SMG1: variants seen among roughly 807,000 people sequenced by gnomAD.
SMG1 encodes the protein SMG1 nonsense mediated mRNA decay associated PI3K related kinase, also known as serine/threonine-protein kinase SMG1.
SMG1 carries 22 observed loss-of-function variants against 419.9 expected under a neutral mutation model. The ratio of observed to expected loss-of-function variants is 0.05; its 90% CI spans 0.04 to 0.07. SMG1 has a LOEUF of 0.07. Ranked by LOEUF, SMG1 falls within the 10% of genes least tolerant of loss-of-function variation. SMG1 has a pLI of 1.00. For synonymous variants in SMG1, 1,538 were observed against 1,553.5 expected, an observed-to-expected ratio of 0.99 and a Z score of 0.23; for missense variants, 3,185 against 4,342.0, an observed-to-expected ratio of 0.73 and a Z score of 7.49.
At chr16:18,828,788 C>T (rs770268103) in intron 54 of SMG1, among the ~76,000 whole-genome samples, 2 of 152,162 alleles carry the variant, frequency 1.3e-5, no homozygotes, top group East Asian at 1.9e-4. Context: ...CACCTAGGCT[C>T]GGGAGTTCGA....
chr16:18,876,860 T>C (rs1483281736), intron 12 of SMG1, among the ~76,000 whole-genome samples: 1 of 151,920 alleles, frequency 6.6e-6, no homozygotes, highest in East Asian at 1.9e-4. Context: ...TGTTTTACCC[T>C]TATGAAAATT....
chr16:18,897,615 T>C (rs1364124622), intron 1 of SMG1, among the ~76,000 whole-genome samples: 2 of 152,166 alleles, frequency 1.3e-5, no homozygotes, highest in Non-Finnish European at 2.9e-5. Flanking sequence ...TCATAATCTA[T>C]TTAAAATTCA....
intron 60 of SMG1, among the ~76,000 whole-genome samples, chr16:18,813,023 T>A (rs1029535512): frequency 1.5e-4 from 23 of 152,126 alleles, no homozygotes; most frequent in African/African-American, 5.3e-4. Context: ...GGCTGCATAG[T>A]ATTCCATGGT....
In SMG1 at chr16:18,845,734, A is replaced by G; in HGVS notation, c.5997-83T>C. 1.5e-5 allele frequency: 15 copies of G among 988,180 alleles called. No individual in the cohort carries two copies. The South Asian group carries it at 2.2e-4, about 15-fold the overall frequency. The allele number at this position is 988,180 out of a possible 1,614,324, so 61.2% of individuals were successfully genotyped here. A position where few individuals can be genotyped will look rare whatever the true frequency, so the allele number is the denominator to read the frequency against. On this transcript the variant is annotated intron_variant, in intron 38 of 62. Coordinates refer to ENST00000446231, the MANE Select transcript of SMG1 (RefSeq NM_015092.5). The stretch of plus-strand genomic sequence containing the variant: ...AAACATGCAACAATTTCAATATATC[A>G]ATTGTTAAGTAAACAGTACCAAGGA...
chr16:18,899,996 C>T (rs988815783), intron 1 of SMG1: 3 of 1,528,468 alleles, frequency 2.0e-6, no homozygotes, highest in African/African-American at 1.4e-5. Context: ...CCTCAAAAAT[C>T]GCATACTGTA....
chr16:18,881,077 T>C lies in SMG1; in HGVS notation c.1293+1088A>G, dbSNP rs1298523539. ...AGATTACAGTGAGCTATGATTGCTCTACTACACTCCAGCCTGGGTGACAGA... is the reference window on the plus strand; with the variant it reads ...AGATTACAGTGAGCTATGATTGCTCCACTACACTCCAGCCTGGGTGACAGA... On this transcript the variant is annotated intron_variant, in intron 10 of 62. Transcript: ENST00000446231. Among the ~76,000 whole-genome samples the C allele has an allele frequency of 3.3e-5, 5 of 150,414 alleles. No homozygotes were observed. In the South Asian group the frequency reaches 8.4e-4, roughly 25 times the overall value.
In SMG1 at chr16:18,854,902, G is replaced by C; in HGVS notation, c.4237C>G (p.Gln1413Glu). The C allele has an allele frequency of 6.2e-7, 1 of 1,612,160 alleles. No individual in the cohort carries two copies. Among genetic ancestry groups the C allele is most frequent in the Non-Finnish European group, 8.5e-7 (1 of 1,179,320 alleles). Residue 1413 changes from glutamine (Q) to glutamate (E), a missense_variant and splice_region_variant, in exon 30 of 63, where the codon CAA (glutamine) becomes GAA (glutamate). Physicochemically the swap from Gln to Glu is conservative, Grantham distance 29. This residue lies in a region of SMG1 where 493 missense variants were observed against 552.9 expected (regional missense o/e 0.89). Coordinates refer to ENST00000446231, the MANE Select transcript of SMG1 (RefSeq NM_015092.5). ...QNQLLEKIKE[Q>E]TVPIRSHLME... ...AGATGGCTTCTAATTGGGACTGTTT[G>C]TTCTGAAGAGAGGAAAACGTTTTAT...
intron 15 of SMG1, 110 bp from the exon 16 acceptor site, chr16:18,871,592 A>T: frequency 6.4e-6 from 3 of 465,340 alleles, no homozygotes; most frequent in Non-Finnish European, 1.2e-5. Flanking sequence ...CAAACATCTC[A>T]AACAATAAAA....
In SMG1 at chr16:18,807,675, T is replaced by G. The variant is rs1323487026; in HGVS notation, c.*1894A>C. 6.6e-6 allele frequency: 1 copy of G among 152,192 alleles called. No homozygotes were observed. Among genetic ancestry groups the G allele is most frequent in the Non-Finnish European group, 1.5e-5 (1 of 68,024 alleles). The allele number at this position is 152,192 out of a possible 1,614,324, so 9.4% of individuals were successfully genotyped here. A position where few individuals can be genotyped will look rare whatever the true frequency, so the allele number is the denominator to read the frequency against. Reference sequence around the variant, plus strand: ...TTTTTTCCTTAATACCTTTCAAGTTTGTCTGTGAAGACGGCAACTAGAAAG... The same window carrying G: ...TTTTTTCCTTAATACCTTTCAAGTTGGTCTGTGAAGACGGCAACTAGAAAG... On this transcript the variant is annotated 3_prime_UTR_variant, in exon 63 of 63. Coordinates refer to ENST00000446231, the MANE Select transcript of SMG1 (RefSeq NM_015092.5).
rs1302483682 is a variant in SMG1, at chr16:18,852,408, G to C, written c.4823C>G (p.Ser1608Cys). 1 of 1,612,766 alleles carries C rather than the reference G, an allele frequency of 6.2e-7. No homozygotes were observed. The highest frequency in any genetic ancestry group is 8.5e-7 in the Non-Finnish European group (1 of 1,179,252). Residue 1608 changes from serine (S) to cysteine (C), a missense_variant, in exon 32 of 63, where the codon TCT (serine) becomes TGT (cysteine). This residue lies in a region of SMG1 where 493 missense variants were observed against 552.9 expected (regional missense o/e 0.89). Transcript: ENST00000446231. ...DFILGQLYHL[S>C]SVQAPEVAKS... ...GGCTACTTCAGGTGCCTGTACTGAA[G>C]ACAGGTGATACAACTGTCCCAAAAT...
In SMG1 at chr16:18,867,583, A is replaced by T. The variant is rs1258287920; in HGVS notation, c.3195+607T>A. Among the ~76,000 whole-genome samples, 6 of 151,612 alleles carry T rather than the reference A, an allele frequency of 4.0e-5. No homozygotes were observed. In the East Asian group the frequency reaches 1.2e-3, roughly 29 times the overall value. On this transcript the variant is annotated intron_variant, in intron 22 of 62. Coordinates refer to ENST00000446231, the MANE Select transcript of SMG1 (RefSeq NM_015092.5). ...TAAATAAATAATTTATCCCATAAAC[A>T]AATTTTCAGAACTACCTTTAAAGTT...
At chr16:18,868,778 G>A in intron 20 of SMG1, 59 bp from the exon 21 acceptor site, 1 of 751,904 alleles carries the variant, frequency 1.3e-6, no homozygotes, top group Non-Finnish European at 2.1e-6. Flanking sequence ...TAGAATAAGT[G>A]TGAGTTTTTT....
chr16:18,902,986 T>C lies in SMG1; in HGVS notation c.93-6030A>G, dbSNP rs1406965228. Among the ~76,000 whole-genome samples the C allele has an allele frequency of 3.3e-5, 5 of 152,066 alleles. No homozygotes were observed. In the South Asian group the frequency reaches 8.3e-4, roughly 25 times the overall value. ...CTTACTCCACCACGCCCAGCAACTT[T>C]TGTATTTTTTTTGTCCCATTCCCTA... is the stretch of plus-strand genomic sequence containing the variant. On this transcript the variant is annotated intron_variant, in intron 1 of 62. Coordinates refer to ENST00000446231, the MANE Select transcript of SMG1 (RefSeq NM_015092.5).
At chr16:18,919,659 C>CATATAT (rs1205606055) in intron 1 of SMG1, among the ~76,000 whole-genome samples, 1 of 8,034 alleles carries the variant, frequency 1.2e-4, no homozygotes, top group Non-Finnish European at 2.4e-4. Flanking sequence ...TGTATATATA[C>CATATAT]ACACACACAC....
rs12445870 is a variant in SMG1, at chr16:18,828,040, T to C, written c.9732A>G (p.Ala3244=). The C allele has an allele frequency of 0.36, 581,286 of 1,609,900 alleles. 108,870 individuals carry two copies. Among genetic ancestry groups the C allele is most frequent in the Non-Finnish European group, 0.39 (457,770 of 1,177,492 alleles). Residue 3244 remains alanine (A), a synonymous_variant, in exon 55 of 63, where the codon GCA becomes GCG. Coordinates refer to ENST00000446231, the MANE Select transcript of SMG1 (RefSeq NM_015092.5). ...HTLSQIETSI[A]TVQEKLAALE... is the part of the protein sequence containing the mutation. ...ATCTGGCAAAACACACCTGAACTGT[T>C]GCAATAGAAGTTTCAATCTGGCTCA...
chr16:18,815,973 T>G, intron 58 of SMG1: 1 of 452,040 alleles, frequency 2.2e-6, no homozygotes, highest in South Asian at 2.8e-5. Context: ...GCAAACTGTA[T>G]GGGTTTGTTG....
In SMG1 at chr16:18,829,523, C is replaced by T; in HGVS notation, c.9366G>A (p.Glu3122=). Residue 3122 remains glutamate (E), a synonymous_variant, in exon 54 of 63, where the codon GAG becomes GAA. Coordinates refer to ENST00000446231, the MANE Select transcript of SMG1 (RefSeq NM_015092.5). ...TGCTTTCGGCACCAAAGTCCTTTGC[C>T]TCTACTTGAGCAATGATGTCTACAC... is the stretch of plus-strand genomic sequence containing the variant. ...ALGVDIIAQV[E]AKDFGAESKV... The T allele has an allele frequency of 6.2e-7, 1 of 1,614,018 alleles. No individual in the cohort carries two copies. Among genetic ancestry groups the T allele is most frequent in the Non-Finnish European group, 8.5e-7 (1 of 1,179,882 alleles).
At chr16:18,895,972 TAGTA>T (rs2037106289) in intron 3 of SMG1, 76 bp downstream of exon 3, 1 of 1,261,010 alleles carries the variant, frequency 7.9e-7, no homozygotes, top group African/African-American at 1.5e-5. Flanking sequence ...TGCAAGGCGT[TAGTA>T]AGAGGCATCC....
chr16:18,815,846 A>G (rs1286702638), intron 58 of SMG1, 195 bp from the exon 59 acceptor site: 5 of 575,784 alleles, frequency 8.7e-6, no homozygotes, highest in Non-Finnish European at 1.5e-5. Context: ...TTCTAAAATT[A>G]AATTATTTAC....
Sources: gnomAD v4.1 joint callset for allele counts (sites outside exome capture counted in the v4.1 genomes callset) on GRCh38, gnomAD v4.1.1 for gene constraint, gnomAD v4.1.1 regional missense constraint, MANE v1.5 for transcripts, NCBI Gene and HGNC (gene_info 2026-07-23, HGNC 2026-07-21) for gene names.